Variants in PTPN3 observed in about 807,000 individuals in gnomAD.
PTPN3 encodes tyrosine-protein phosphatase non-receptor type 3.
Under a neutral mutation model 132.7 loss-of-function variants are expected in PTPN3, and 96 were observed. The observed-to-expected ratio is 0.72, with a 90% confidence interval of 0.61 to 0.86. PTPN3 has a LOEUF of 0.86. Among genes scored for constraint, PTPN3 ranks in the 40% least tolerant of loss-of-function variants. The pLI, the probability that PTPN3 is intolerant of heterozygous loss-of-function variation, is 0.00. For synonymous variants in PTPN3, 398 were observed against 429.0 expected (o/e 0.93, Z 0.89); for missense variants, 1,125 against 1,159.6 (o/e 0.97, Z 0.43).
chr9:109,490,998 G>C (rs1333741416), intron 1 of PTPN3, among the ~76,000 whole-genome samples: 1 of 151,212 alleles, frequency 6.6e-6, no homozygotes, highest in Non-Finnish European at 1.5e-5. Context: ...AGGAGTTCGA[G>C]ACCAGCATCC....
intron 10 of PTPN3, among the ~76,000 whole-genome samples, chr9:109,430,128 G>A (rs1230473529): frequency 1.3e-5 from 2 of 152,090 alleles, no homozygotes; most frequent in African/African-American, 4.8e-5. Context: ...CACCCCTTCT[G>A]GAGATACTCT....
chr9:109,535,657 C>A, the PTPN3 span, among the ~76,000 whole-genome samples: 2 of 151,990 alleles, frequency 1.3e-5, no homozygotes, highest in South Asian at 4.2e-4. Context: ...TAGGTGCGTG[C>A]CACCATGCCC....
the PTPN3 span, among the ~76,000 whole-genome samples, chr9:109,528,765 G>A: frequency 6.6e-6 from 1 of 152,068 alleles, no homozygotes; most frequent in Admixed American, 6.6e-5. Flanking sequence ...GTGTGTAACA[G>A]CCTTTCCTTT....
At chr9:109,381,837 T>C (rs1423469621) in intron 24 of PTPN3, 50 bp from the exon 25 acceptor site, 3 of 1,609,306 alleles carry the variant, frequency 1.9e-6, no homozygotes, top group East Asian at 4.5e-5. Context: ...GTAGCCTTTC[T>C]GCATGGCCCA....
At chr9:109,408,577 C>T (rs1841767358) in intron 16 of PTPN3, among the ~76,000 whole-genome samples, 200 bp from the exon 17 acceptor site, 1 of 151,810 alleles carries the variant, frequency 6.6e-6, no homozygotes, top group Admixed American at 6.6e-5. Context: ...TTCCTGACCC[C>T]TCTGGATCCA....
intron 19 of PTPN3, among the ~76,000 whole-genome samples, chr9:109,397,944 A>G (rs1271838380): frequency 2.0e-5 from 3 of 151,896 alleles, no homozygotes; most frequent in African/African-American, 7.2e-5. Flanking sequence ...CAAACAAACA[A>G]AAACAACAAA....
At chr9:109,395,145 A>T (rs1472829565) in intron 19 of PTPN3, among the ~76,000 whole-genome samples, 7 of 83,958 alleles carry the variant, frequency 8.3e-5, no homozygotes, top group African/African-American at 1.4e-4. Context: ...ATCTCAATTT[A>T]AAAAAAAAAA....
At chr9:109,416,429 TTTGTTTTTTGTTTTTTTGTTTC>T (rs1564415305) in intron 14 of PTPN3, among the ~76,000 whole-genome samples, 1 of 149,994 alleles carries the variant, frequency 6.7e-6, no homozygotes, top group Non-Finnish European at 1.5e-5. Context: ...ACAGAAGTTT[TTTGTTTTTTGTTTTTTTGTTTC>T]TTTTTTTTTT....
At chr9:109,491,679 A>G (rs1331453823) in intron 1 of PTPN3, among the ~76,000 whole-genome samples, 1 of 152,248 alleles carries the variant, frequency 6.6e-6, no homozygotes. Context: ...ATCTGGTGGC[A>G]TGAACATTTA....
At chr9:109,489,462 C>T (rs1410682982) in intron 1 of PTPN3, among the ~76,000 whole-genome samples, 2 of 152,310 alleles carry the variant, frequency 1.3e-5, no homozygotes, top group East Asian at 3.9e-4. Flanking sequence ...GCACTGATCT[C>T]AACCTCGAAG....
At chr9:109,463,534 C>G in intron 1 of PTPN3, 83 bp from the exon 2 acceptor site, 1 of 1,285,140 alleles carries the variant, frequency 7.8e-7, no homozygotes, top group Middle Eastern at 1.9e-4. Context: ...CAGATCCCAT[C>G]CTCTCGATAC....
intron 1 of PTPN3, among the ~76,000 whole-genome samples, chr9:109,468,840 T>C (rs1055606457): frequency 3.9e-5 from 6 of 152,220 alleles, no homozygotes; most frequent in South Asian, 2.1e-4. Context: ...TTTATTAACG[T>C]TAAACTTCTA....
chr9:109,527,253 GAGTTCAAGACCAGCCTGGCCAACATGGCA>G, the PTPN3 span, among the ~76,000 whole-genome samples: 1 of 152,194 alleles, frequency 6.6e-6, no homozygotes, highest in Admixed American at 6.5e-5. Context: ...TTGAGGCCAG[GAGTTCAAGACCAGCCTGGCCAACATGGCA>G]AAACCCTGTC....
chr9:109,429,770 T>C (rs989459253), intron 10 of PTPN3, among the ~76,000 whole-genome samples: 3 of 152,186 alleles, frequency 2.0e-5, no homozygotes, highest in Non-Finnish European at 4.4e-5. Context: ...GGGCTGACTA[T>C]CATTCATTTA....
At chr9:109,418,847 G>C (rs1842700908) in intron 14 of PTPN3, among the ~76,000 whole-genome samples, 1 of 152,174 alleles carries the variant, frequency 6.6e-6, no homozygotes, top group African/African-American at 2.4e-5. Flanking sequence ...TTCTGTGATG[G>C]GACTGCAAAC....
Position 109,379,481 on chromosome 9 carries a change from C to T in PTPN3, c.*75G>A, listed in dbSNP as rs1380862961. ...CCACAGCTACTGGTTCCTCTTGCTG[C>T]TTCCAGAGAGGTCTGTCCTCCTCTT... On this transcript the variant is annotated 3_prime_UTR_variant, in exon 26 of 26. Coordinates refer to ENST00000374541, the MANE Select transcript of PTPN3 (RefSeq NM_002829.4). 1.1e-5 allele frequency: 15 copies of T among 1,390,224 alleles called. No individual in the cohort carries two copies. The highest frequency in any genetic ancestry group is 1.7e-5 in the Admixed American group (1 of 58,730). 86.1% of individuals were successfully genotyped at this position (1,390,224 alleles called of 1,614,324 possible).
chr9:109,440,866 A>C (rs1465554395), intron 7 of PTPN3, among the ~76,000 whole-genome samples: 1 of 152,164 alleles, frequency 6.6e-6, no homozygotes, highest in Admixed American at 6.5e-5. Flanking sequence ...TTAAATCCTA[A>C]GCGGCCACTC....
At chr9:109,496,710 G>T (rs945299185) in intron 1 of PTPN3, among the ~76,000 whole-genome samples, 12 of 152,168 alleles carry the variant, frequency 7.9e-5, no homozygotes, top group Non-Finnish European at 5.9e-5. Context: ...TTCTAAAGGG[G>T]TGCTGGGGTG....
intron 1 of PTPN3, among the ~76,000 whole-genome samples, chr9:109,490,890 A>G (rs562429034): frequency 2.7e-5 from 4 of 150,300 alleles, no homozygotes; most frequent in Admixed American, 2.0e-4. Flanking sequence ...GGACATCACT[A>G]AGACAACTGG....
Sources: gnomAD v4.1 joint callset for allele counts (sites outside exome capture counted in the v4.1 genomes callset) on GRCh38, gnomAD v4.1.1 for gene constraint, MANE v1.5 for transcripts, NCBI Gene and HGNC (gene_info 2026-07-23, HGNC 2026-07-21) for gene names.